Variants in TDRD7 observed in about 807,000 individuals in gnomAD.
TDRD7 encodes tudor domain-containing protein 7.
TDRD7 carries 47 observed loss-of-function variants against 109.8 expected under a neutral mutation model. That is an observed-to-expected ratio of 0.43 (90% confidence interval 0.34 to 0.55). The LOEUF (loss-of-function observed/expected upper bound fraction) is 0.55, where lower values mean the gene tolerates loss of function less well. Among genes scored for constraint, TDRD7 ranks in the 20% least tolerant of loss-of-function variants. The pLI, the probability that TDRD7 is intolerant of heterozygous loss-of-function variation, is 0.03. For missense variants in TDRD7, 1,164 were observed against 1,319.2 expected (o/e 0.88, Z 1.82); for synonymous variants, 424 against 457.3 (o/e 0.93, Z 0.93).
At chr9:97,443,820 T>A (rs182723120) in intron 6 of TDRD7, among the ~76,000 whole-genome samples, 2 of 152,350 alleles carry the variant, frequency 1.3e-5, no homozygotes, top group East Asian at 1.9e-4. Context: ...AGCATTTTTT[T>A]AATCATCAGG....
At chr9:97,457,357 G>GACAC (rs554868896) in intron 6 of TDRD7, among the ~76,000 whole-genome samples, 5 of 151,114 alleles carry the variant, frequency 3.3e-5, no homozygotes, top group African/African-American at 7.3e-5. Flanking sequence ...CTACTATAAA[G>GACAC]ACACACACAC....
intron 4 of TDRD7, among the ~76,000 whole-genome samples, chr9:97,437,287 A>T (rs1361758482): frequency 6.6e-6 from 1 of 152,178 alleles, no homozygotes; most frequent in South Asian, 2.1e-4. Context: ...GCTCAGTTAA[A>T]GATAAATCTG....
chr9:97,490,127 A>G (rs941283043), intron 16 of TDRD7, among the ~76,000 whole-genome samples: 2 of 152,214 alleles, frequency 1.3e-5, no homozygotes, highest in African/African-American at 2.4e-5. Flanking sequence ...AAAGAAATAT[A>G]AAAGTTTTAC....
chr9:97,483,384 C>T, intron 15 of TDRD7, 33 bp downstream of exon 15: 1 of 1,609,284 alleles, frequency 6.2e-7, no homozygotes, highest in Non-Finnish European at 8.5e-7. Context: ...TTATTCTACT[C>T]CTAAGAAAAA....
intron 13 of TDRD7, 156 bp downstream of exon 13, chr9:97,478,729 T>C: frequency 9.8e-7 from 1 of 1,019,030 alleles, no homozygotes; most frequent in South Asian, 1.3e-5. Context: ...AAGTAAAACA[T>C]TGCTGACTTA....
rs181329949 is a variant in TDRD7 at position 97,495,735 on chromosome 9, T to C, written c.3149T>C (p.Val1050Ala). Residue 1050 changes from valine to alanine, a missense_variant, in exon 17 of 17, where the codon GTG becomes GCG. Val to Ala is a moderately conservative substitution (Grantham distance 64). Transcript: ENST00000355295. ...AATCATGTGGAGAAGAAACCTCTGGTGGCACTGGTGCAGACAGTCATTGAA... is the reference window on the plus strand; with the variant it reads ...AATCATGTGGAGAAGAAACCTCTGGCGGCACTGGTGCAGACAGTCATTGAA... ...FRNHVEKKPLVALVQTVIENA... is the reference protein window; with the variant it reads ...FRNHVEKKPLAALVQTVIENA... The C allele has an allele frequency of 6.2e-7, 1 of 1,614,212 alleles. No homozygotes were observed. Among genetic ancestry groups the C allele is most frequent in the Admixed American group, 1.7e-5 (1 of 60,024 alleles).
At chr9:97,472,234 A>G (rs41281936) in intron 9 of TDRD7, 59 bp from the exon 10 acceptor site, 200 of 1,427,880 alleles carry the variant, frequency 1.4e-4, no homozygotes, top group Non-Finnish European at 1.8e-4. Context: ...CAATCCATCT[A>G]TTCATCTTGA....
intron 12 of TDRD7, among the ~76,000 whole-genome samples, chr9:97,476,616 A>AT (rs1289891321): frequency 4.3e-4 from 64 of 147,902 alleles, no homozygotes; most frequent in African/African-American, 6.9e-4. Flanking sequence ...CATTGGCTTG[A>AT]TTTTTTTTTT....
chr9:97,418,682 C>T (rs1019348635), intron 1 of TDRD7, among the ~76,000 whole-genome samples: 1 of 152,172 alleles, frequency 6.6e-6, no homozygotes, highest in Non-Finnish European at 1.5e-5. Flanking sequence ...GGAAGGCTTT[C>T]GCAGAGGGCA....
chr9:97,422,489 A>T (rs1376508735), intron 1 of TDRD7, among the ~76,000 whole-genome samples: 1 of 152,194 alleles, frequency 6.6e-6, no homozygotes, highest in East Asian at 1.9e-4. Context: ...ATAATATTAT[A>T]CTATTTTGAC....
At chr9:97,469,856 AGTT>A (rs1828882223) in intron 8 of TDRD7, among the ~76,000 whole-genome samples, 1 of 152,212 alleles carries the variant, frequency 6.6e-6, no homozygotes, top group Admixed American at 6.5e-5. Context: ...GGTGAGGAAA[AGTT>A]GTTCAGGTTT....
At chr9:97,424,049 C>CTTTT (rs56369544) in intron 1 of TDRD7, among the ~76,000 whole-genome samples, 26 of 48,820 alleles carry the variant, frequency 5.3e-4, no homozygotes, top group Admixed American at 1.2e-3. Context: ...CTTTTATATT[C>CTTTT]TTTTTTTTTT....
At chr9:97,475,819 A>G (rs1049335126) in intron 12 of TDRD7, among the ~76,000 whole-genome samples, 5 of 152,250 alleles carry the variant, frequency 3.3e-5, no homozygotes, top group African/African-American at 1.2e-4. Context: ...AGGCAAATGA[A>G]TAAGTGTAAC....
intron 16 of TDRD7, among the ~76,000 whole-genome samples, 176 bp from the exon 17 acceptor site, chr9:97,495,487 A>G (rs906509153): frequency 2.0e-5 from 3 of 152,232 alleles, no homozygotes; most frequent in Non-Finnish European, 4.4e-5. Flanking sequence ...CAGAGTAGAA[A>G]AACTATAAGC....
At chr9:97,418,133 A>G (rs1025845230) in intron 1 of TDRD7, among the ~76,000 whole-genome samples, 2 of 152,194 alleles carry the variant, frequency 1.3e-5, no homozygotes, top group African/African-American at 4.8e-5. Context: ...TGGGGGAAAA[A>G]TAAAGGGGGA....
intron 1 of TDRD7, among the ~76,000 whole-genome samples, chr9:97,425,422 A>G (rs183642838): frequency 6.4e-4 from 98 of 152,324 alleles, no homozygotes; most frequent in African/African-American, 2.1e-3. Flanking sequence ...TGCCTACAGT[A>G]TTCAGTATAG....
At chr9:97,452,975 C>G (rs1476173671) in intron 6 of TDRD7, among the ~76,000 whole-genome samples, 1 of 152,090 alleles carries the variant, frequency 6.6e-6, no homozygotes, top group Non-Finnish European at 1.5e-5. Context: ...AGTCTGGGGA[C>G]TGGGAGAGGG....
At chr9:97,431,935 C>A in intron 3 of TDRD7, 90 bp from the exon 4 acceptor site, 1 of 1,189,174 alleles carries the variant, frequency 8.4e-7, no homozygotes, top group Non-Finnish European at 1.3e-6. Flanking sequence ...GAATAGACAC[C>A]CACAGAAAAC....
At chr9:97,428,711 A>G in intron 2 of TDRD7, 39 bp downstream of exon 2, 1 of 1,584,844 alleles carries the variant, frequency 6.3e-7, no homozygotes, top group Non-Finnish European at 8.6e-7. Context: ...AATCAAACCA[A>G]TTCATAATTG....
Sources: gnomAD v4.1 joint callset for allele counts (sites outside exome capture counted in the v4.1 genomes callset) on GRCh38, gnomAD v4.1.1 for gene constraint, MANE v1.5 for transcripts, NCBI Gene and HGNC (gene_info 2026-07-23, HGNC 2026-07-21) for gene names.